The following ZNF704 variants were observed in gnomAD, a reference collection of about 807,000 sequenced individuals.
ZNF704 encodes zinc finger protein 704, also known as glucocorticoid induced gene 1.
A neutral mutation model predicts 44.7 loss-of-function variants in ZNF704; 10 were observed. That is an observed-to-expected ratio of 0.22 (90% CI 0.14 to 0.38). The LOEUF (loss-of-function observed/expected upper bound fraction) is 0.38, where lower values mean the gene tolerates loss of function less well. Ranked by LOEUF, ZNF704 falls within the 10% of genes least tolerant of loss-of-function variation. ZNF704 has a pLI of 1.00. For synonymous variants in ZNF704, 211 were observed against 207.6 expected (o/e 1.02, Z -0.14); for missense variants, 390 against 545.5 (o/e 0.71, Z 2.84).
At chr8:80,691,350 C>T (rs932788416) in intron 3 of ZNF704, among the ~76,000 whole-genome samples, 1 of 152,230 alleles carries the variant, frequency 6.6e-6, no homozygotes, top group African/African-American at 2.4e-5. Flanking sequence ...GGCTTTCTCC[C>T]TTGGGGAGTG....
At chr8:80,834,204 T>TTAC (rs35219768) in intron 1 of ZNF704, among the ~76,000 whole-genome samples, 31,770 of 151,574 alleles carry the variant, frequency 0.21, 4,570 homozygotes, top group African/African-American at 0.41. Context: ...AAAAAAATAA[T>TTAC]AACAAAAGAG....
chr8:80,866,747 G>A (rs915137748), intron 1 of ZNF704, among the ~76,000 whole-genome samples: 2 of 152,058 alleles, frequency 1.3e-5, no homozygotes, highest in African/African-American at 4.8e-5. Context: ...TAATCTAACT[G>A]GGACAGATTT....
intron 2 of ZNF704, among the ~76,000 whole-genome samples, chr8:80,756,969 C>CT (rs1469637164): frequency 2.0e-5 from 3 of 152,176 alleles, no homozygotes; most frequent in Non-Finnish European, 4.4e-5. Flanking sequence ...GAGTGGCCAG[C>CT]TGTCCTTCCA....
intron 2 of ZNF704, among the ~76,000 whole-genome samples, chr8:80,790,827 GA>G (rs147080144): frequency 1.1e-3 from 161 of 152,176 alleles, no homozygotes; most frequent in African/African-American, 3.6e-3. Context: ...AAAAAGGGAG[GA>G]GGGGCAAAGT....
At chr8:80,696,676 C>T (rs1818730764) in intron 2 of ZNF704, among the ~76,000 whole-genome samples, 1 of 152,200 alleles carries the variant, frequency 6.6e-6, no homozygotes, top group Non-Finnish European at 1.5e-5. Context: ...CCTTAGCCTC[C>T]TGAAGTGCTG....
intron 2 of ZNF704, among the ~76,000 whole-genome samples, chr8:80,789,714 C>T (rs1051565328): frequency 4.6e-5 from 7 of 152,040 alleles, no homozygotes; most frequent in African/African-American, 1.7e-4. Flanking sequence ...TGTACTCCAG[C>T]CTGGGTGACA....
rs562304843 is a variant in ZNF704 at position 80,662,770 on chromosome 8, C to A, written c.927+2045G>T. Among the ~76,000 whole-genome samples, 19 of 152,204 alleles carry A rather than the reference C, an allele frequency of 1.2e-4. No individual in the cohort carries two copies. The South Asian group carries it at 3.1e-3, about 25-fold the overall frequency. ...TACATCCTCGGACTCAATAATTATTCTTCTGAGAATTTAAACAAAAAACAA... is the reference window on the plus strand; with the variant it reads ...TACATCCTCGGACTCAATAATTATTATTCTGAGAATTTAAACAAAAAACAA... On this transcript the variant is annotated intron_variant, in intron 6 of 8. Transcript: ENST00000327835.
chr8:80,651,613 C>T (rs1212895307), intron 7 of ZNF704, among the ~76,000 whole-genome samples: 2 of 152,184 alleles, frequency 1.3e-5, no homozygotes, highest in African/African-American at 4.8e-5. Context: ...AGAAGAAGAG[C>T]TAACTATCCT....
At chr8:80,692,765 G>T (rs965272773) in intron 3 of ZNF704, among the ~76,000 whole-genome samples, 2 of 152,180 alleles carry the variant, frequency 1.3e-5, no homozygotes, top group East Asian at 1.9e-4. Flanking sequence ...AAACAAAGGA[G>T]CTCAATAAAA....
intron 7 of ZNF704, among the ~76,000 whole-genome samples, chr8:80,658,322 T>C (rs988891675): frequency 1.1e-4 from 16 of 151,872 alleles, no homozygotes; most frequent in African/African-American, 3.9e-4. Flanking sequence ...CATTTTAGGT[T>C]AATACAGAGT....
chr8:80,673,587 T>A (rs1273836422), intron 4 of ZNF704, among the ~76,000 whole-genome samples: 3 of 152,192 alleles, frequency 2.0e-5, no homozygotes, highest in Non-Finnish European at 4.4e-5. Context: ...CATCATACTC[T>A]TGAGTCTATG....
chr8:80,669,831 T>C (rs1230189914), intron 5 of ZNF704, among the ~76,000 whole-genome samples: 1 of 152,194 alleles, frequency 6.6e-6, no homozygotes, highest in Non-Finnish European at 1.5e-5. Context: ...ACTGCCCCCC[T>C]GGGGTGACCT....
intron 2 of ZNF704, among the ~76,000 whole-genome samples, chr8:80,728,544 G>A (rs1249673860): frequency 5.3e-5 from 8 of 152,128 alleles, no homozygotes; most frequent in Non-Finnish European, 1.2e-4. Context: ...CATTTCGTAA[G>A]GCAAATTACA....
intron 2 of ZNF704, among the ~76,000 whole-genome samples, chr8:80,707,762 T>A (rs750521242): frequency 6.6e-6 from 1 of 152,220 alleles, no homozygotes; most frequent in Non-Finnish European, 1.5e-5. Context: ...TTTTCTAGGG[T>A]GTGTATAGTC....
chr8:80,874,227 CCGGCCGGCGGGGACGCCGG>C lies in ZNF704; in HGVS notation c.-22+325_-22+343del, dbSNP rs980832347. Among the ~76,000 whole-genome samples the C allele has an allele frequency of 8.2e-5, 12 of 145,508 alleles. No individual in the cohort carries two copies. Among genetic ancestry groups the C allele is most frequent in the South Asian group, 6.3e-4 (3 of 4,770 alleles). On this transcript the variant is annotated intron_variant, in intron 1 of 8. Transcript: ENST00000327835. This position sits in a 1 kb window ranked among gnomAD's most constrained non-coding sequence, Gnocchi z 4.4. ...AGGCGCGGGCGCCGCCTTCGCTGGA[CCGGCCGGCGGGGACGCCGG>C]CGGCCGGCGGCTACGGCGGGGCGGC... is the stretch of plus-strand genomic sequence containing the variant.
intron 2 of ZNF704, among the ~76,000 whole-genome samples, chr8:80,706,347 C>T (rs1363534905): frequency 6.6e-6 from 1 of 151,618 alleles, no homozygotes; most frequent in Non-Finnish European, 1.5e-5. Flanking sequence ...GATTTTTTTC[C>T]CTAGTTTTTT....
intron 7 of ZNF704, among the ~76,000 whole-genome samples, chr8:80,654,569 G>A (rs1337721299): frequency 1.7e-4 from 26 of 152,180 alleles, no homozygotes; most frequent in African/African-American, 3.6e-4. Flanking sequence ...ACATTTATGC[G>A]GCCAAAAGAC....
intron 2 of ZNF704, among the ~76,000 whole-genome samples, chr8:80,778,623 T>C (rs1807454558): frequency 1.3e-5 from 2 of 151,970 alleles, no homozygotes; most frequent in African/African-American, 4.8e-5. Context: ...CCACCAACGG[T>C]AGACTGTATA....
At chr8:80,696,046 C>T (rs1452779520) in intron 2 of ZNF704, among the ~76,000 whole-genome samples, 1 of 152,126 alleles carries the variant, frequency 6.6e-6, no homozygotes, top group Admixed American at 6.6e-5. Flanking sequence ...TCTTTTGGTA[C>T]ACTACTATCT....
Sources: allele counts gnomAD v4.1 joint callset (sites outside exome capture counted in the v4.1 genomes callset), GRCh38; gene constraint gnomAD v4.1.1; non-coding constraint Gnocchi (gnomAD v3.1); transcripts MANE v1.5; gene names NCBI Gene and HGNC (gene_info 2026-07-23, HGNC 2026-07-21).